Variants in CTDSP1 observed in about 807,000 individuals in gnomAD.
CTDSP1 encodes the protein carboxy-terminal domain RNA polymerase II polypeptide A small phosphatase 1.
CTDSP1 carries 15 observed loss-of-function variants against 32.5 expected under a neutral mutation model. The ratio of observed to expected loss-of-function variants is 0.46; its 90% CI spans 0.31 to 0.71. CTDSP1 has a LOEUF of 0.71. CTDSP1 is among the 30% of genes least tolerant of loss of function. The probability of loss-of-function intolerance (pLI) is 0.05; values close to 1 mark genes in which losing one functional copy is unlikely to be tolerated. For missense variants in CTDSP1, 294 were observed against 351.1 expected, an observed-to-expected ratio of 0.84 and a Z score of 1.30; for synonymous variants, 185 against 145.4, an observed-to-expected ratio of 1.27 and a Z score of -1.96.
In CTDSP1 at chr2:218,404,729, T is replaced by A. The variant is rs925554825; in HGVS notation, c.*304T>A. On this transcript the variant is annotated 3_prime_UTR_variant, in exon 7 of 7. Transcript: ENST00000273062. ...TGTCCATGCTGCCATGTTTCTCTGCTGCCAAATTGGGCCCCTTGGCCCCTT... is the reference window on the plus strand; with the variant it reads ...TGTCCATGCTGCCATGTTTCTCTGCAGCCAAATTGGGCCCCTTGGCCCCTT... 1.6e-5 allele frequency: 5 copies of A among 317,486 alleles called. No homozygotes were observed. The Admixed American group carries it at 1.9e-4, about 12-fold the overall frequency. 19.7% of individuals were successfully genotyped at this position (317,486 alleles called of 1,614,324 possible).
intron 1 of CTDSP1, 196 bp from the exon 2 acceptor site, chr2:218,401,368 G>GAGCT (rs1372873363): frequency 1.6e-6 from 1 of 612,918 alleles, no homozygotes; most frequent in African/African-American, 1.9e-5. Context: ...ATTTGTCTGG[G>GAGCT]AGCTGCAGGA....
At chr2:218,401,315 G>A (rs1324655772) in intron 1 of CTDSP1, 1 of 557,734 alleles carries the variant, frequency 1.8e-6, no homozygotes, top group Non-Finnish European at 3.2e-6. Context: ...CCTTCTCCAG[G>A]CCACGCACTC....
intron 3 of CTDSP1, 58 bp from the exon 4 acceptor site, chr2:218,402,291 C>T: frequency 2.5e-6 from 4 of 1,612,128 alleles, no homozygotes; most frequent in Non-Finnish European, 3.4e-6. Flanking sequence ...GAGGTGTGTG[C>T]TGGACCCCAT....
upstream of CTDSP1, chr2:218,398,164 A>G (rs62182123): frequency 0.019 from 9,884 of 531,282 alleles, 135 homozygotes; most frequent in Non-Finnish European, 0.026. Flanking sequence ...TCCGGAGATA[A>G]AGCCGAGGCC....
upstream of CTDSP1, chr2:218,398,399 G>A: frequency 1.3e-6 from 2 of 1,535,398 alleles, no homozygotes; most frequent in East Asian, 2.4e-5. Context: ...TGGCGATCAC[G>A]GTGATGAAGC....
chr2:218,403,033 A>G lies in CTDSP1; in HGVS notation c.379-2A>G. ...CAGCCCCCTCACTGGCCCGCCCCCC[A>G]GGTCTACGTGTTGAAGCGTCCTCAC... On this transcript the variant is annotated splice_acceptor_variant, in intron 4 of 6. Coordinates refer to ENST00000273062, the MANE Select transcript of CTDSP1 (RefSeq NM_021198.3). LOFTEE classifies it high-confidence loss of function. 6.2e-7 allele frequency: 1 copy of G among 1,607,866 alleles called. No individual in the cohort carries two copies.
chr2:218,398,828 A>C (rs1253157786), upstream of CTDSP1: 2 of 166,342 alleles, frequency 1.2e-5, no homozygotes, highest in African/African-American at 4.8e-5. Flanking sequence ...GAGGAAAAAG[A>C]CCAACCCGCA....
At chr2:218,402,732 G>A in intron 4 of CTDSP1, 1 of 754,172 alleles carries the variant, frequency 1.3e-6, no homozygotes, top group Non-Finnish European at 2.5e-6. Context: ...GTGCCCTGCA[G>A]CCTTGGGGTG....
rs774977260 is a variant in CTDSP1 at position 218,402,340 on chromosome 2, C to T, written c.322-9C>T. The T allele has an allele frequency of 4.3e-6, 7 of 1,613,938 alleles. No individual in the cohort carries two copies. The Admixed American group carries it at 1.0e-4, about 23-fold the overall frequency. On this transcript the variant is annotated splice_polypyrimidine_tract_variant and intron_variant, in intron 3 of 6. Coordinates refer to ENST00000273062, the MANE Select transcript of CTDSP1 (RefSeq NM_021198.3). ...TCCTCCAACTCCAGCAGCTCTTTTC[C>T]CCCCACAGCCAGTGAACAACGCGGA...
At chr2:218,400,999 G>A (rs1697107141) in intron 1 of CTDSP1, 2 of 444,308 alleles carry the variant, frequency 4.5e-6, no homozygotes, top group Non-Finnish European at 9.0e-6. Context: ...AGGGGTATCT[G>A]TCAATCAGGC....
upstream of CTDSP1, among the ~76,000 whole-genome samples, chr2:218,397,794 A>C: frequency 6.6e-6 from 1 of 152,114 alleles, no homozygotes; most frequent in East Asian, 1.9e-4. Flanking sequence ...CTCACTCCGT[A>C]ACTAACTACC....
rs981520577 is a variant in CTDSP1 at position 218,402,385 on chromosome 2, A to G, written c.358A>G (p.Ile120Val). ...CGCGGACTTCATCATCCCTGTGGAGATTGATGGGGTGGTCCACCAGGTGAG... is the reference window on the plus strand; with the variant it reads ...CGCGGACTTCATCATCCCTGTGGAGGTTGATGGGGTGGTCCACCAGGTGAG... ...NNADFIIPVE[I>V]DGVVHQVYVL... The change falls in exon 4 of 7, where the codon ATT (isoleucine) becomes GTT (valine). Residue 120 changes from isoleucine to valine, a missense_variant. Around this residue, in one of 2 missense-constraint regions of CTDSP1, gnomAD observed 146 missense variants for 237.7 expected, o/e 0.61. Coordinates refer to ENST00000273062, the MANE Select transcript of CTDSP1 (RefSeq NM_021198.3). 1.2e-6 allele frequency: 2 copies of G among 1,611,410 alleles called. No individual in the cohort carries two copies. The highest frequency in any genetic ancestry group is 1.7e-6 in the Non-Finnish European group (2 of 1,178,594).
upstream of CTDSP1, chr2:218,398,546 T>C: frequency 8.5e-7 from 1 of 1,179,060 alleles, no homozygotes. Flanking sequence ...CGCCGCGCCT[T>C]CTGGCAGACG....
In CTDSP1 at chr2:218,405,327, G is replaced by A. The variant is rs1237456729; in HGVS notation, c.*902G>A. 2.6e-5 allele frequency: 4 copies of A among 152,602 alleles called. No individual in the cohort carries two copies. Among genetic ancestry groups the A allele is most frequent in the Admixed American group, 6.5e-5 (1 of 15,288 alleles). 9.5% of individuals were successfully genotyped at this position (152,602 alleles called of 1,614,324 possible). A position where few individuals can be genotyped will look rare whatever the true frequency, so the allele number is the denominator to read the frequency against. ...TTTTTTAAACTGCTATTTTCTGAATGGAACAAGCTGGGCCAAGGGGCCCAG... is the reference window on the plus strand; with the variant it reads ...TTTTTTAAACTGCTATTTTCTGAATAGAACAAGCTGGGCCAAGGGGCCCAG... On this transcript the variant is annotated 3_prime_UTR_variant, in exon 7 of 7. Coordinates refer to ENST00000273062, the MANE Select transcript of CTDSP1 (RefSeq NM_021198.3).
intron 1 of CTDSP1, 128 bp from the exon 2 acceptor site, chr2:218,401,436 C>T: frequency 9.4e-7 from 1 of 1,068,180 alleles, no homozygotes; most frequent in South Asian, 1.5e-5. Context: ...TCAGGAGCTG[C>T]CTTCGTGTGT....
At chr2:218,397,835 C>T (rs1696898531), upstream of CTDSP1, among the ~76,000 whole-genome samples, 1 of 152,298 alleles carries the variant, frequency 6.6e-6, no homozygotes, top group Non-Finnish European at 1.5e-5. Flanking sequence ...AAGTCCAGGG[C>T]TCCAGGCAGA....
At chr2:218,402,475 C>G (rs1452255522) in intron 4 of CTDSP1, 70 bp downstream of exon 4, 2 of 1,458,902 alleles carry the variant, frequency 1.4e-6, no homozygotes, top group Admixed American at 1.7e-5. Context: ...CCCACCAATC[C>G]GGAGCGCCTC....
intron 1 of CTDSP1, 193 bp from the exon 2 acceptor site, chr2:218,401,371 C>T (rs1053678116): frequency 8.1e-6 from 5 of 617,650 alleles, no homozygotes; most frequent in African/African-American, 1.9e-5. Flanking sequence ...TGTCTGGGAG[C>T]TGCAGGAGCC....
In CTDSP1 at chr2:218,399,986, C is replaced by T. The variant is rs1697024969; in HGVS notation, c.-105C>T. 9.2e-7 allele frequency: 1 copy of T among 1,088,682 alleles called. No homozygotes were observed. The highest frequency in any genetic ancestry group is 1.2e-6 in the Non-Finnish European group (1 of 854,396). The allele number at this position is 1,088,682 out of a possible 1,614,324, so 67.4% of individuals were successfully genotyped here. On this transcript the variant is annotated 5_prime_UTR_variant, in exon 1 of 7. Transcript: ENST00000273062. The stretch of plus-strand genomic sequence containing the variant: ...CCTCCGGAGCTCGCGGGGATCCCTC[C>T]CTCCCACCCCTCCCCTCCCCCCCGC...
Sources: gnomAD v4.1 joint callset for allele counts (sites outside exome capture counted in the v4.1 genomes callset) on GRCh38, gnomAD v4.1.1 for gene constraint, gnomAD v4.1.1 regional missense constraint, MANE v1.5 for transcripts, NCBI Gene and HGNC (gene_info 2026-07-23, HGNC 2026-07-21) for gene names.